Variants in NRG4 observed in about 807,000 individuals in gnomAD.
NRG4 encodes pro-neuregulin-4, membrane-bound isoform.
Under a neutral mutation model 15.0 loss-of-function variants are expected in NRG4, and 10 were observed. That is an observed-to-expected ratio of 0.67 (90% CI 0.41 to 1.13). The LOEUF (loss-of-function observed/expected upper bound fraction) is 1.13, where lower values mean the gene tolerates loss of function less well. Among genes scored for constraint, NRG4 ranks in the 50% most tolerant of loss-of-function variants. The pLI is 0.00. For missense variants in NRG4, 139 were observed against 140.2 expected (o/e 0.99, Z 0.04); for synonymous variants, 41 against 50.1 (o/e 0.82, Z 0.77).
intron 5 of NRG4, among the ~76,000 whole-genome samples, chr15:76,028,799 C>A (rs897612897): frequency 6.7e-6 from 1 of 148,780 alleles, no homozygotes; most frequent in African/African-American, 2.5e-5. Context: ...ACTTGGGAGG[C>A]TGAGGCAGGA....
chr15:75,995,144 C>T (rs975254688), intron 3 of NRG4, among the ~76,000 whole-genome samples: 2 of 151,696 alleles, frequency 1.3e-5, no homozygotes, highest in African/African-American at 4.8e-5. Context: ...GCCATGACCG[C>T]ACCACTGCAC....
downstream of NRG4, chr15:75,939,707 C>T (rs912278197): frequency 3.9e-5 from 6 of 152,116 alleles, no homozygotes; most frequent in Non-Finnish European, 8.8e-5. Flanking sequence ...GGAATGAATT[C>T]CTGGAATGCA....
chr15:76,020,347 T>C (rs2035115069), intron 5 of NRG4, among the ~76,000 whole-genome samples: 3 of 152,198 alleles, frequency 2.0e-5, no homozygotes, highest in Admixed American at 2.0e-4. Flanking sequence ...GAGGAAGGCA[T>C]GCAGAAAGGT....
intron 5 of NRG4, among the ~76,000 whole-genome samples, chr15:76,024,405 A>C (rs1273189187): frequency 2.0e-5 from 3 of 152,096 alleles, no homozygotes; most frequent in Non-Finnish European, 4.4e-5. Flanking sequence ...GAACAGACAC[A>C]CACCCAGGAC....
chr15:75,989,229 T>A (rs536879334), intron 3 of NRG4, among the ~76,000 whole-genome samples: 4 of 152,204 alleles, frequency 2.6e-5, no homozygotes, highest in African/African-American at 9.7e-5. Context: ...TTTGGACTTA[T>A]GCAAAGAATG....
At chr15:76,007,237 T>C (rs967498174) in intron 3 of NRG4, among the ~76,000 whole-genome samples, 21 of 152,112 alleles carry the variant, frequency 1.4e-4, no homozygotes, top group African/African-American at 5.1e-4. Context: ...AAGACTGGTA[T>C]TGGTGAAAAG....
intron 4 of NRG4, among the ~76,000 whole-genome samples, chr15:76,037,617 G>A (rs78214494): frequency 0.015 from 2,239 of 152,188 alleles, 61 homozygotes; most frequent in African/African-American, 0.051. Flanking sequence ...CGTAAAGGCA[G>A]TCTAGGCCCC....
rs1322004977 is a variant in NRG4 at position 76,023,355 on chromosome 15, G to A, written c.-56-12069C>T. ...TCATCTAGCCTCTGTGGCACTGTCTGCCATGCCTGGATCAGATTGATTTGG... is the reference window on the plus strand; with the variant it reads ...TCATCTAGCCTCTGTGGCACTGTCTACCATGCCTGGATCAGATTGATTTGG... On this transcript the variant is annotated intron_variant, in intron 5 of 8. Transcript: ENST00000563910. Among the ~76,000 whole-genome samples the A allele has an allele frequency of 3.3e-5, 5 of 152,144 alleles. No homozygotes were observed. The East Asian group carries it at 7.7e-4, about 23-fold the overall frequency.
chr15:76,040,039 C>G (rs556179675), intron 4 of NRG4, among the ~76,000 whole-genome samples: 4 of 151,450 alleles, frequency 2.6e-5, no homozygotes, highest in Admixed American at 2.6e-4. Context: ...TACCTGCCAC[C>G]CCGCCAAATA....
At chr15:76,047,342 A>G (rs2035893684) in intron 4 of NRG4, among the ~76,000 whole-genome samples, 1 of 151,068 alleles carries the variant, frequency 6.6e-6, no homozygotes, top group Non-Finnish European at 1.5e-5. Flanking sequence ...CTGCAGCACT[A>G]TTAGCAATAG....
intron 3 of NRG4, among the ~76,000 whole-genome samples, chr15:76,006,101 A>C (rs2034597123): frequency 6.6e-6 from 1 of 152,212 alleles, no homozygotes; most frequent in Non-Finnish European, 1.5e-5. Context: ...ATTTCTATAG[A>C]CAAAGCAAGG....
At chr15:76,050,073 A>G (rs1434262324) in intron 4 of NRG4, among the ~76,000 whole-genome samples, 4 of 151,070 alleles carry the variant, frequency 2.6e-5, no homozygotes, top group Middle Eastern at 3.2e-3. Flanking sequence ...TTAAAGTTCT[A>G]TAAGTTTACC....
At chr15:75,940,526 T>C (rs1423979140), downstream of NRG4, 2 of 149,900 alleles carry the variant, frequency 1.3e-5, no homozygotes, top group Non-Finnish European at 3.0e-5. Context: ...GGATCCCAAA[T>C]AGCCAAGTCA....
chr15:76,018,263 A>T (rs905260285), intron 5 of NRG4, among the ~76,000 whole-genome samples: 1 of 151,900 alleles, frequency 6.6e-6, no homozygotes, highest in African/African-American at 2.4e-5. Context: ...CCTTGCATTG[A>T]GTTAGAATAT....
chr15:75,953,794 G>A (rs1388191264), intron 5 of NRG4, among the ~76,000 whole-genome samples: 1 of 152,162 alleles, frequency 6.6e-6, no homozygotes, highest in Non-Finnish European at 1.5e-5. Flanking sequence ...CTGGGCTCAA[G>A]CAATTCTCCC....
chr15:76,022,590 T>G (rs1353530931), intron 5 of NRG4, among the ~76,000 whole-genome samples: 1 of 152,158 alleles, frequency 6.6e-6, no homozygotes, highest in Non-Finnish European at 1.5e-5. Context: ...GAAGATCTAA[T>G]GTATTCAAAT....
At chr15:76,038,089 C>T (rs865866933) in intron 4 of NRG4, among the ~76,000 whole-genome samples, 1 of 152,162 alleles carries the variant, frequency 6.6e-6, no homozygotes, top group African/African-American at 2.4e-5. Context: ...GCCCTTGAGA[C>T]CCTGAATAAT....
intron 3 of NRG4, among the ~76,000 whole-genome samples, chr15:75,976,938 T>C (rs1417566397): frequency 6.6e-6 from 1 of 152,182 alleles, no homozygotes; most frequent in Non-Finnish European, 1.5e-5. Context: ...ACAGCTGCCC[T>C]TCCTGCAGGT....
intron 4 of NRG4, among the ~76,000 whole-genome samples, chr15:76,037,291 A>C (rs1264259980): frequency 6.6e-6 from 1 of 152,164 alleles, no homozygotes; most frequent in African/African-American, 2.4e-5. Context: ...ATAGTTCTGA[A>C]AGAGAAACTT....
Sources: allele counts gnomAD v4.1 joint callset (sites outside exome capture counted in the v4.1 genomes callset), GRCh38; gene constraint gnomAD v4.1.1; transcripts MANE v1.5; gene names NCBI Gene and HGNC (gene_info 2026-07-23, HGNC 2026-07-21).